The following BTBD9 variants were observed in gnomAD, a reference collection of about 807,000 sequenced individuals.
BTBD9 encodes BTB domain containing 9, also known as BTB/POZ domain-containing protein 9.
Under a neutral mutation model 64.3 loss-of-function variants are expected in BTBD9, and 49 were observed. That is an observed-to-expected ratio of 0.76 (90% CI 0.61 to 0.97). The LOEUF (loss-of-function observed/expected upper bound fraction) is 0.97, where lower values mean the gene tolerates loss of function less well. Among genes scored for constraint, BTBD9 ranks in the 50% least tolerant of loss-of-function variants. The probability of loss-of-function intolerance (pLI) is 0.00; values close to 1 mark genes in which losing one functional copy is unlikely to be tolerated. For missense variants in BTBD9, 598 were observed against 762.1 expected (o/e 0.78, Z 2.53); for synonymous variants, 260 against 274.7 (o/e 0.95, Z 0.53).
chr6:38,639,263 C>A lies in BTBD9; in HGVS notation c.-28+537G>T, dbSNP rs143719837. The stretch of plus-strand genomic sequence containing the variant: ...AACTCTAGGCAACAGGTTGGCTGCC[C>A]CGGATCTATACTGACAGGTCGCCCT... On this transcript the variant is annotated intron_variant, in intron 1 of 10. Transcript: ENST00000481247. Among the ~76,000 whole-genome samples the A allele has an allele frequency of 2.1e-4, 32 of 152,288 alleles. No individual in the cohort carries two copies. The East Asian group carries it at 5.8e-3, about 28-fold the overall frequency.
At chr6:38,465,747 A>ATG (rs1562224758) in intron 6 of BTBD9, among the ~76,000 whole-genome samples, 117 of 43,024 alleles carry the variant, frequency 2.7e-3, no homozygotes, top group African/African-American at 3.7e-3. Context: ...ATATATATAT[A>ATG]TATATATATG....
chr6:38,470,260 C>G (rs1770589882), intron 6 of BTBD9, among the ~76,000 whole-genome samples: 2 of 152,164 alleles, frequency 1.3e-5, no homozygotes, highest in Non-Finnish European at 1.5e-5. Context: ...AGAAAATAAC[C>G]AAGTGGAGAA....
intron 9 of BTBD9, among the ~76,000 whole-genome samples, chr6:38,229,285 T>C (rs569381708): frequency 6.6e-6 from 1 of 151,848 alleles, no homozygotes; most frequent in African/African-American, 2.4e-5. Context: ...TGGCAAAGAG[T>C]AGACAGATGC....
At chr6:38,488,438 A>G (rs537110056) in intron 6 of BTBD9, among the ~76,000 whole-genome samples, 1 of 152,342 alleles carries the variant, frequency 6.6e-6, no homozygotes, top group East Asian at 1.9e-4. Flanking sequence ...AACCGTATAG[A>G]AACTATGGAC....
intron 6 of BTBD9, among the ~76,000 whole-genome samples, chr6:38,494,897 C>T (rs1368175639): frequency 2.6e-5 from 4 of 152,206 alleles, no homozygotes; most frequent in African/African-American, 7.2e-5. Context: ...AGAGTAAACA[C>T]TTATAATATT....
intron 7 of BTBD9, among the ~76,000 whole-genome samples, chr6:38,314,254 G>C (rs1379386035): frequency 6.6e-6 from 1 of 151,790 alleles, no homozygotes; most frequent in Admixed American, 6.6e-5. Flanking sequence ...GCAGCACAGT[G>C]GGGTGATCTC....
intron 6 of BTBD9, among the ~76,000 whole-genome samples, chr6:38,534,244 T>C (rs1773917615): frequency 6.6e-6 from 1 of 152,034 alleles, no homozygotes; most frequent in African/African-American, 2.4e-5. Context: ...TGAGCAACTA[T>C]ATGCCAATAA....
intron 6 of BTBD9, among the ~76,000 whole-genome samples, chr6:38,398,045 G>A (rs1025464801): frequency 1.7e-4 from 26 of 152,192 alleles, no homozygotes; most frequent in Admixed American, 3.3e-4. Context: ...TGCATTTTAA[G>A]CTGTGGATCT....
At chr6:38,503,934 T>C (rs772816008) in intron 6 of BTBD9, among the ~76,000 whole-genome samples, 1 of 152,184 alleles carries the variant, frequency 6.6e-6, no homozygotes, top group Non-Finnish European at 1.5e-5. Context: ...CTTCCCATCC[T>C]TTCTATTCAT....
chr6:38,578,507 G>A (rs563545032), intron 5 of BTBD9, among the ~76,000 whole-genome samples: 1 of 152,230 alleles, frequency 6.6e-6, no homozygotes, highest in Admixed American at 6.5e-5. Flanking sequence ...AACAATCTTG[G>A]AAGATTTAGG....
intron 1 of BTBD9, among the ~76,000 whole-genome samples, chr6:38,617,087 G>A (rs961859032): frequency 6.6e-6 from 1 of 152,142 alleles, no homozygotes; most frequent in East Asian, 1.9e-4. Flanking sequence ...AGTGACTAGT[G>A]CGGCCACCGG....
intron 7 of BTBD9, among the ~76,000 whole-genome samples, chr6:38,344,710 C>T (rs1582264757): frequency 6.6e-6 from 1 of 152,312 alleles, no homozygotes; most frequent in East Asian, 1.9e-4. Context: ...CTGACTATCA[C>T]AAACATTCCC....
chr6:38,492,612 AT>A (rs958875065), intron 6 of BTBD9, among the ~76,000 whole-genome samples: 3 of 152,184 alleles, frequency 2.0e-5, no homozygotes, highest in African/African-American at 7.2e-5. Flanking sequence ...AATAAACATA[AT>A]TTTTTATTTC....
chr6:38,252,280 G>A (rs765976643), intron 9 of BTBD9, among the ~76,000 whole-genome samples: 10 of 152,152 alleles, frequency 6.6e-5, no homozygotes, highest in Non-Finnish European at 1.2e-4. Flanking sequence ...ATAACCGCAC[G>A]CACTCTGTTT....
intron 2 of BTBD9, chr6:38,596,015 G>A: frequency 1.0e-6 from 1 of 985,396 alleles, no homozygotes; most frequent in Non-Finnish European, 1.2e-6. Flanking sequence ...AAGGAGACAA[G>A]CACAGAGGTT....
chr6:38,381,811 C>T (rs1765946126), intron 6 of BTBD9, among the ~76,000 whole-genome samples: 1 of 151,928 alleles, frequency 6.6e-6, no homozygotes, highest in Non-Finnish European at 1.5e-5. Flanking sequence ...TTAAAAATAA[C>T]ATCAAAAACA....
At chr6:38,193,395 C>T (rs572627926) in intron 9 of BTBD9, among the ~76,000 whole-genome samples, 1 of 152,182 alleles carries the variant, frequency 6.6e-6, no homozygotes, top group African/African-American at 2.4e-5. Flanking sequence ...GCCTCTACCC[C>T]CTTCTTTCCT....
chr6:38,433,294 T>C (rs1297441655), intron 6 of BTBD9, among the ~76,000 whole-genome samples: 3 of 151,934 alleles, frequency 2.0e-5, no homozygotes, highest in Non-Finnish European at 4.4e-5. Flanking sequence ...AACTCAAAAG[T>C]TTCTCATCCC....
chr6:38,437,699 T>C (rs796340551), intron 6 of BTBD9, among the ~76,000 whole-genome samples: 10 of 152,182 alleles, frequency 6.6e-5, no homozygotes, highest in African/African-American at 2.4e-4. Context: ...AGAGTTCACG[T>C]AGAGAAGAAG....
Sources: gnomAD v4.1 joint callset for allele counts (sites outside exome capture counted in the v4.1 genomes callset) on GRCh38, gnomAD v4.1.1 for gene constraint, MANE v1.5 for transcripts, NCBI Gene and HGNC (gene_info 2026-07-23, HGNC 2026-07-21) for gene names.